DENND5B: variants seen among roughly 807,000 people sequenced by gnomAD.
DENND5B encodes the protein DENN domain-containing protein 5B.
A neutral mutation model predicts 140.6 loss-of-function variants in DENND5B; 34 were observed. That is an observed-to-expected ratio of 0.24 (90% CI 0.18 to 0.32). The LOEUF is 0.32. DENND5B is among the 10% of genes least tolerant of loss of function. DENND5B has a pLI of 1.00. For synonymous variants in DENND5B, 551 were observed against 562.1 expected (o/e 0.98, Z 0.28); for missense variants, 1,142 against 1,560.2 (o/e 0.73, Z 4.52).
At chr12:31,513,335 T>C (rs1363074244) in intron 1 of DENND5B, among the ~76,000 whole-genome samples, 1 of 152,230 alleles carries the variant, frequency 6.6e-6, no homozygotes, top group East Asian at 1.9e-4. Context: ...TCCTTTTCTA[T>C]ATTGCAATCT....
intron 1 of DENND5B, among the ~76,000 whole-genome samples, chr12:31,509,142 TGA>T (rs1947313952): frequency 6.6e-6 from 1 of 152,098 alleles, no homozygotes; most frequent in Admixed American, 6.5e-5. Context: ...TCCCCAGCCC[TGA>T]GTTTCAATTC....
chr12:31,548,974 C>T (rs917127116), intron 1 of DENND5B, among the ~76,000 whole-genome samples: 7 of 152,120 alleles, frequency 4.6e-5, no homozygotes, highest in African/African-American at 1.7e-4. Context: ...TAGCTCACAG[C>T]AGCCTTGAAC....
chr12:31,457,644 C>T (rs1944832394), intron 4 of DENND5B, among the ~76,000 whole-genome samples: 1 of 152,030 alleles, frequency 6.6e-6, no homozygotes, highest in Non-Finnish European at 1.5e-5. Flanking sequence ...AACAAAGAGG[C>T]TGTTAGCCTT....
At position 31,410,790 on chromosome 12, in the gene DENND5B, G is replaced by C. The variant is rs146438127; in HGVS notation, c.2682-1406C>G. 3.3e-3 allele frequency among the ~76,000 whole-genome samples: 500 copies of C among 152,126 alleles called. 1 individual carries two copies. Among genetic ancestry groups the C allele is most frequent in the African/African-American group, 0.011 (460 of 41,508 alleles). On this transcript the variant is annotated intron_variant, in intron 13 of 20. Coordinates refer to ENST00000389082, the MANE Select transcript of DENND5B (RefSeq NM_144973.4). ...GTCATTCAAACACTAACTAGAGAAG[G>C]CAATATTTGAACACAAGCATTCAGA...
At chr12:31,413,041 C>T (rs891146733) in intron 13 of DENND5B, among the ~76,000 whole-genome samples, 1 of 152,176 alleles carries the variant, frequency 6.6e-6, no homozygotes, top group Admixed American at 6.5e-5. Context: ...CTGCCTCAGC[C>T]TCCTGAATAG....
At position 31,424,696 on chromosome 12, in the gene DENND5B, A is replaced by T; in HGVS notation, c.2239-9T>A. On this transcript the variant is annotated splice_polypyrimidine_tract_variant and intron_variant, in intron 9 of 20. Coordinates refer to ENST00000389082, the MANE Select transcript of DENND5B (RefSeq NM_144973.4). ...ACCAACATGCGCTTTGTCTAAGAAT[A>T]TCACGTGTAGTCATAAGGCACCCCA... is the stretch of plus-strand genomic sequence containing the variant. The T allele has an allele frequency of 6.2e-7, 1 of 1,613,816 alleles. No individual in the cohort carries two copies. Among genetic ancestry groups the T allele is most frequent in the Non-Finnish European group, 8.5e-7 (1 of 1,179,794 alleles).
intron 8 of DENND5B, among the ~76,000 whole-genome samples, chr12:31,431,081 A>G (rs149054107): frequency 3.3e-5 from 5 of 152,364 alleles, no homozygotes; most frequent in Admixed American, 6.5e-5. Flanking sequence ...CTTTTATAAT[A>G]CAGTCTAGAA....
chr12:31,433,579 T>C (rs768952436), intron 7 of DENND5B, among the ~76,000 whole-genome samples: 9 of 152,338 alleles, frequency 5.9e-5, no homozygotes, highest in Admixed American at 2.0e-4. Flanking sequence ...CTTGATTATA[T>C]TGACATATAA....
chr12:31,504,374 C>A (rs1393085247), intron 1 of DENND5B, among the ~76,000 whole-genome samples: 1 of 152,192 alleles, frequency 6.6e-6, no homozygotes, highest in Non-Finnish European at 1.5e-5. Context: ...GCCAAGAACA[C>A]ATCTCTCTTC....
chr12:31,542,569 T>C (rs984960897), intron 1 of DENND5B, among the ~76,000 whole-genome samples: 1 of 152,354 alleles, frequency 6.6e-6, no homozygotes, highest in South Asian at 2.1e-4. Context: ...TCATCTTCCA[T>C]GATGGGATTA....
chr12:31,583,459 C>G (rs1346805910), intron 1 of DENND5B, among the ~76,000 whole-genome samples: 1 of 151,588 alleles, frequency 6.6e-6, no homozygotes, highest in Non-Finnish European at 1.5e-5. Flanking sequence ...GGAGGATCAC[C>G]TGAGGTCAGG....
intron 3 of DENND5B, among the ~76,000 whole-genome samples, chr12:31,472,588 A>T (rs1373195332): frequency 6.6e-6 from 1 of 152,240 alleles, no homozygotes; most frequent in Non-Finnish European, 1.5e-5. Flanking sequence ...CACGGCACCC[A>T]GCCTGAAATG....
chr12:31,518,753 T>G (rs1947772341), intron 1 of DENND5B, among the ~76,000 whole-genome samples: 1 of 152,172 alleles, frequency 6.6e-6, no homozygotes, highest in South Asian at 2.1e-4. Context: ...TTAAATCTTT[T>G]TTTTTTGCCT....
chr12:31,477,284 C>T (rs1945862039), intron 3 of DENND5B, among the ~76,000 whole-genome samples: 2 of 151,948 alleles, frequency 1.3e-5, no homozygotes, highest in Admixed American at 6.6e-5. Flanking sequence ...AGGTATTAAG[C>T]TCCAAGCCTC....
rs1318200489 is a variant in DENND5B, at chr12:31,386,994, T to C, written c.*609A>G. On this transcript the variant is annotated 3_prime_UTR_variant, in exon 21 of 21. Coordinates refer to ENST00000389082, the MANE Select transcript of DENND5B (RefSeq NM_144973.4). ...TTTAAAATACTCCAATTATATCATC[T>C]TGTGCGGACTGAAATTTTTTTCCAA... 6.6e-6 allele frequency: 1 copy of C among 152,228 alleles called. No individual in the cohort carries two copies. The highest frequency in any genetic ancestry group is 1.5e-5 in the Non-Finnish European group (1 of 68,062). The allele number at this position is 152,228 out of a possible 1,614,324, so 9.4% of individuals were successfully genotyped here. A position where few individuals can be genotyped will look rare whatever the true frequency, so the allele number is the denominator to read the frequency against.
chr12:31,590,817 C>G lies in DENND5B; in HGVS notation c.16G>C (p.Ala6Pro). ...GAGCCCGAGCCCGGGCCGGGCGCCG[C>G]GCAGCTCCCGCTCATCCCGGCCGCG... is the stretch of plus-strand genomic sequence containing the variant. The part of the protein sequence containing the change: MSGSC[A>P]APGPGSGSSP... The change falls in exon 1 of 21, where the codon GCG becomes CCG. Residue 6 changes from alanine (A) to proline (P), a missense_variant. Ala to Pro is a conservative substitution (Grantham distance 27). This residue lies in a region of DENND5B where 708 missense variants were observed against 905.5 expected (regional missense o/e 0.78). Transcript: ENST00000389082. 7.8e-7 allele frequency: 1 copy of G among 1,283,178 alleles called. No homozygotes were observed. Among genetic ancestry groups the G allele is most frequent in the Non-Finnish European group, 9.8e-7 (1 of 1,018,480 alleles). 79.5% of individuals were successfully genotyped at this position (1,283,178 alleles called of 1,614,324 possible). A position where few individuals can be genotyped will look rare whatever the true frequency, so the allele number is the denominator to read the frequency against.
At chr12:31,508,708 G>T (rs778906654) in intron 1 of DENND5B, among the ~76,000 whole-genome samples, 36 of 152,322 alleles carry the variant, frequency 2.4e-4, no homozygotes, top group Non-Finnish European at 4.1e-4. Context: ...GCGTTAGTGT[G>T]TGGCCTTTCA....
intron 1 of DENND5B, among the ~76,000 whole-genome samples, chr12:31,581,967 T>G (rs1410512283): frequency 4.1e-5 from 6 of 147,224 alleles, no homozygotes; most frequent in Admixed American, 4.0e-4. Context: ...ACGATGCAAA[T>G]TCCATGTAAA....
chr12:31,451,597 A>C, intron 5 of DENND5B: 1 of 258,016 alleles, frequency 3.9e-6, no homozygotes, highest in Non-Finnish European at 7.5e-6. Flanking sequence ...TTCTGGGATT[A>C]CAGGCATGAG....
Sources: gnomAD v4.1 joint callset for allele counts (sites outside exome capture counted in the v4.1 genomes callset) on GRCh38, gnomAD v4.1.1 for gene constraint, gnomAD v4.1.1 regional missense constraint, MANE v1.5 for transcripts, NCBI Gene and HGNC (gene_info 2026-07-23, HGNC 2026-07-21) for gene names.